The following HYAL4 variants were observed in gnomAD, a reference collection of about 807,000 sequenced individuals.
The protein encoded by HYAL4 is hyaluronidase 4.
In HYAL4, 37 loss-of-function variants were observed where a neutral mutation model predicts 35.2. The observed-to-expected ratio is 1.05, with a 90% CI of 0.81 to 1.38. HYAL4 has a LOEUF of 1.38. Among genes scored for constraint, HYAL4 ranks in the 40% most tolerant of loss-of-function variants. The pLI is 0.00. For synonymous variants in HYAL4, 198 were observed against 203.2 expected (o/e 0.97, Z 0.22); for missense variants, 572 against 572.4 (o/e 1.00, Z 0.01).
chr7:123,845,997 G>A (rs1439967300), intron 1 of HYAL4, among the ~76,000 whole-genome samples: 2 of 152,220 alleles, frequency 1.3e-5, no homozygotes, highest in Non-Finnish European at 2.9e-5. Flanking sequence ...GTCCTGTGAT[G>A]TAAACCATCT....
chr7:123,837,917 G>A (rs1366968068), intron 1 of HYAL4, among the ~76,000 whole-genome samples: 1 of 151,912 alleles, frequency 6.6e-6, no homozygotes, highest in Non-Finnish European at 1.5e-5. Flanking sequence ...CCAGTCTATC[G>A]TTGTTGGACA....
upstream of HYAL4, among the ~76,000 whole-genome samples, chr7:123,843,038 A>G (rs1355333425): frequency 2.0e-5 from 3 of 152,012 alleles, no homozygotes; most frequent in African/African-American, 4.8e-5. Flanking sequence ...TGAGCCTGTC[A>G]TTATGATGTT....
At chr7:123,790,221 C>CAGTAA in the HYAL4 span, among the ~76,000 whole-genome samples, 29 of 152,248 alleles carry the variant, frequency 1.9e-4, no homozygotes, top group African/African-American at 6.3e-4. Context: ...ACAGGGGAAA[C>CAGTAA]AGTAAAGTCT....
intron 3 of HYAL4, among the ~76,000 whole-genome samples, chr7:123,870,769 A>AG (rs1333581371): frequency 9.9e-5 from 15 of 152,050 alleles, no homozygotes; most frequent in Non-Finnish European, 2.2e-4. Flanking sequence ...CAAAAAAAAA[A>AG]AAAAAGAAAG....
the HYAL4 span, among the ~76,000 whole-genome samples, chr7:123,823,841 A>T: frequency 6.6e-6 from 1 of 151,804 alleles, no homozygotes; most frequent in Non-Finnish European, 1.5e-5. Flanking sequence ...AAATAACTCT[A>T]TTAATTTTCA....
chr7:123,840,613 G>A (rs2116915437), upstream of HYAL4, among the ~76,000 whole-genome samples: 1 of 151,980 alleles, frequency 6.6e-6, no homozygotes, highest in South Asian at 2.1e-4. Flanking sequence ...TTCTTCCTAT[G>A]CATGAGCATG....
intron 2 of HYAL4, among the ~76,000 whole-genome samples, chr7:123,854,150 T>C (rs1024108430): frequency 4.6e-5 from 7 of 151,736 alleles, no homozygotes; most frequent in African/African-American, 1.7e-4. Context: ...GCAGTCTATT[T>C]TGCTAACCTT....
the HYAL4 span, among the ~76,000 whole-genome samples, chr7:123,807,295 T>C: frequency 2.0e-5 from 3 of 152,150 alleles, no homozygotes; most frequent in Admixed American, 2.0e-4. Context: ...AAGCTACTAC[T>C]ATTATCTCTT....
At chr7:123,783,463 G>T in the HYAL4 span, among the ~76,000 whole-genome samples, 1 of 152,176 alleles carries the variant, frequency 6.6e-6, no homozygotes, top group Non-Finnish European at 1.5e-5. Flanking sequence ...AGACATAAAT[G>T]AAGTGATATT....
the HYAL4 span, among the ~76,000 whole-genome samples, chr7:123,810,302 A>C: frequency 1.3e-5 from 2 of 152,224 alleles, no homozygotes; most frequent in East Asian, 1.9e-4. Context: ...AAATGAATGA[A>C]AAAGTTGAAA....
the HYAL4 span, among the ~76,000 whole-genome samples, chr7:123,803,644 A>G: frequency 6.6e-6 from 1 of 152,142 alleles, no homozygotes; most frequent in Non-Finnish European, 1.5e-5. Context: ...TTCTGTAGAT[A>G]TTTTCCTCCT....
At chr7:123,817,510 C>CTTTTT in the HYAL4 span, among the ~76,000 whole-genome samples, 17 of 122,170 alleles carry the variant, frequency 1.4e-4, no homozygotes, top group Non-Finnish European at 2.0e-4. Flanking sequence ...CATTCTTCTT[C>CTTTTT]TTTTTTTTTT....
At chr7:123,838,080 T>C (rs1225844375) in intron 1 of HYAL4, among the ~76,000 whole-genome samples, 3 of 152,186 alleles carry the variant, frequency 2.0e-5, no homozygotes, top group Non-Finnish European at 4.4e-5. Flanking sequence ...TCTAGATCCC[T>C]GAGGAATTGC....
the HYAL4 span, among the ~76,000 whole-genome samples, chr7:123,793,976 A>G: frequency 1.3e-5 from 2 of 152,220 alleles, no homozygotes; most frequent in Non-Finnish European, 2.9e-5. Flanking sequence ...GAAGGCAGGA[A>G]GATGTGAGAA....
At chr7:123,810,543 T>C in the HYAL4 span, among the ~76,000 whole-genome samples, 1 of 152,168 alleles carries the variant, frequency 6.6e-6, no homozygotes, top group African/African-American at 2.4e-5. Flanking sequence ...CCTAGCAAAA[T>C]TGAGCAGAAA....
chr7:123,775,910 G>A, the HYAL4 span, among the ~76,000 whole-genome samples: 1 of 152,152 alleles, frequency 6.6e-6, no homozygotes, highest in Admixed American at 6.5e-5. Context: ...AGCAGACCAC[G>A]TGTGTTTCAA....
chr7:123,767,044 T>C, the HYAL4 span, among the ~76,000 whole-genome samples: 2 of 152,224 alleles, frequency 1.3e-5, no homozygotes, highest in Non-Finnish European at 1.5e-5. Context: ...TGCAGCTATG[T>C]ATTTAATTCA....
the HYAL4 span, among the ~76,000 whole-genome samples, chr7:123,813,444 A>G: frequency 6.6e-6 from 1 of 152,162 alleles, no homozygotes; most frequent in Non-Finnish European, 1.5e-5. Context: ...CAGTTTCTTT[A>G]TAGGAAAACC....
chr7:123,864,709 G>T (rs1334256023), intron 2 of HYAL4, among the ~76,000 whole-genome samples: 1 of 151,746 alleles, frequency 6.6e-6, no homozygotes, highest in Non-Finnish European at 1.5e-5. Flanking sequence ...GCTTGGGGAG[G>T]TTCCTTGGTG....
Sources: gnomAD v4.1 joint callset for allele counts (sites outside exome capture counted in the v4.1 genomes callset) on GRCh38, gnomAD v4.1.1 for gene constraint, MANE v1.5 for transcripts, NCBI Gene and HGNC (gene_info 2026-07-23, HGNC 2026-07-21) for gene names.